The following CCDC148 variants were observed in gnomAD, a reference collection of about 807,000 sequenced individuals.
The protein encoded by CCDC148 is coiled-coil domain-containing protein 148.
CCDC148 carries 89 observed loss-of-function variants against 85.7 expected under a neutral mutation model. The ratio of observed to expected loss-of-function variants is 1.04; its 90% CI spans 0.87 to 1.24. CCDC148 has a LOEUF of 1.24. Ranked by LOEUF, CCDC148 falls within the 50% of genes most tolerant of loss-of-function variation. The probability of loss-of-function intolerance (pLI) is 0.00; values close to 1 mark genes in which losing one functional copy is unlikely to be tolerated. For missense variants in CCDC148, 692 were observed against 671.7 expected, an observed-to-expected ratio of 1.03 and a Z score of -0.33; for synonymous variants, 230 against 213.9, an observed-to-expected ratio of 1.08 and a Z score of -0.66.
chr2:158,382,813 C>T (rs1167936482), intron 1 of CCDC148, among the ~76,000 whole-genome samples: 2 of 150,216 alleles, frequency 1.3e-5, no homozygotes, highest in Non-Finnish European at 3.0e-5. Flanking sequence ...CCCAGCTACT[C>T]GGGAGGCTGA....
intron 7 of CCDC148, among the ~76,000 whole-genome samples, chr2:158,328,036 TTAAG>T (rs1191614195): frequency 6.6e-6 from 1 of 152,156 alleles, no homozygotes; most frequent in Non-Finnish European, 1.5e-5. Context: ...TTTTTTTTAT[TTAAG>T]TTTTAGGGTA....
chr2:158,315,907 C>T (rs1169726431), intron 7 of CCDC148, among the ~76,000 whole-genome samples: 2 of 152,214 alleles, frequency 1.3e-5, no homozygotes, highest in East Asian at 3.9e-4. Flanking sequence ...GCACTCTGGC[C>T]TTTCCCCATG....
chr2:158,286,841 T>C (rs1033125596), intron 9 of CCDC148, among the ~76,000 whole-genome samples: 2 of 152,064 alleles, frequency 1.3e-5, no homozygotes, highest in Non-Finnish European at 2.9e-5. Flanking sequence ...TCTAGGATTA[T>C]GGGTCTGAGT....
intron 9 of CCDC148, 138 bp from the exon 10 acceptor site, chr2:158,251,050 C>T (rs1688772843): frequency 1.4e-6 from 1 of 691,586 alleles, no homozygotes; most frequent in South Asian, 2.5e-5. Flanking sequence ...GTGCACATGA[C>T]TGTGTGATGT....
chr2:158,453,711 G>T (rs1033585121), intron 1 of CCDC148, among the ~76,000 whole-genome samples: 1 of 152,018 alleles, frequency 6.6e-6, no homozygotes, highest in African/African-American at 2.4e-5. Context: ...GGGATAATAT[G>T]AAAAAAATAA....
At chr2:158,244,278 T>C (rs1325947586) in intron 10 of CCDC148, among the ~76,000 whole-genome samples, 1 of 152,174 alleles carries the variant, frequency 6.6e-6, no homozygotes, top group Non-Finnish European at 1.5e-5. Context: ...TAAATCGTTG[T>C]TGTATAAAAA....
chr2:158,409,429 A>G (rs536997222), intron 1 of CCDC148, among the ~76,000 whole-genome samples: 25 of 152,240 alleles, frequency 1.6e-4, no homozygotes, highest in Non-Finnish European at 3.2e-4. Flanking sequence ...ATGGACTCAA[A>G]GGAGATCATT....
chr2:158,274,869 G>A (rs1419521217), intron 9 of CCDC148, among the ~76,000 whole-genome samples: 2 of 152,216 alleles, frequency 1.3e-5, no homozygotes, highest in Non-Finnish European at 2.9e-5. Context: ...AGTCTGACAG[G>A]TGGCTGGGGA....
rs576488249 is a variant in CCDC148, at chr2:158,337,976, G to C, written c.764+750C>G. ...TTACTATAAATGTGTCCCTTAAATA[G>C]TTATCTTTTTAAATATACATTCTTT... On this transcript the variant is annotated intron_variant, in intron 7 of 13. Coordinates refer to ENST00000283233, the MANE Select transcript of CCDC148 (RefSeq NM_138803.4). Among the ~76,000 whole-genome samples the C allele has an allele frequency of 9.5e-4, 144 of 152,172 alleles. 1 individual carries two copies. Among genetic ancestry groups the C allele is most frequent in the Non-Finnish European group, 1.5e-3 (104 of 67,994 alleles).
chr2:158,445,403 A>G (rs17492911), intron 1 of CCDC148, among the ~76,000 whole-genome samples: 25,408 of 152,196 alleles, frequency 0.17, 2,286 homozygotes, highest in Middle Eastern at 0.21. Context: ...TGGAGATTTC[A>G]TTGACCTTTC....
intron 7 of CCDC148, among the ~76,000 whole-genome samples, chr2:158,323,342 T>C (rs1692608899): frequency 6.6e-6 from 1 of 152,228 alleles, no homozygotes; most frequent in Admixed American, 6.5e-5. Context: ...TCTCATTAAT[T>C]GAAAAATATT....
At chr2:158,274,966 G>A (rs1362694151) in intron 9 of CCDC148, among the ~76,000 whole-genome samples, 2 of 152,198 alleles carry the variant, frequency 1.3e-5, no homozygotes, top group South Asian at 2.1e-4. Flanking sequence ...AGAGTCACAC[G>A]GATTTATATG....
At chr2:158,238,985 G>A (rs755262080) in intron 10 of CCDC148, among the ~76,000 whole-genome samples, 1 of 152,040 alleles carries the variant, frequency 6.6e-6, no homozygotes, top group Non-Finnish European at 1.5e-5. Flanking sequence ...ATGTGACTTT[G>A]GGGAAATTAC....
chr2:158,222,934 C>T (rs555118167), intron 10 of CCDC148, among the ~76,000 whole-genome samples: 16 of 152,252 alleles, frequency 1.1e-4, no homozygotes, highest in Admixed American at 4.6e-4. Flanking sequence ...ACTGAGGTAC[C>T]GGGTTCATCT....
At chr2:158,322,452 G>GT (rs541350020) in intron 7 of CCDC148, among the ~76,000 whole-genome samples, 8 of 151,762 alleles carry the variant, frequency 5.3e-5, no homozygotes, top group East Asian at 1.9e-4. Context: ...TATGTGTATA[G>GT]TTTTTTTTCA....
At chr2:158,212,300 T>G (rs1686622203) in intron 11 of CCDC148, among the ~76,000 whole-genome samples, 1 of 152,222 alleles carries the variant, frequency 6.6e-6, no homozygotes, top group South Asian at 2.1e-4. Flanking sequence ...GACAAATGTT[T>G]GTAAAAATTT....
chr2:158,383,471 T>C (rs1413737276), intron 1 of CCDC148, among the ~76,000 whole-genome samples: 1 of 152,168 alleles, frequency 6.6e-6, no homozygotes, highest in Non-Finnish European at 1.5e-5. Flanking sequence ...TGCAAAGCTA[T>C]ACATCAAAAT....
At chr2:158,313,327 G>A (rs191180707) in intron 8 of CCDC148, among the ~76,000 whole-genome samples, 129 of 152,354 alleles carry the variant, frequency 8.5e-4, no homozygotes, top group African/African-American at 3.1e-3. Flanking sequence ...CACCCCCAGG[G>A]CAAGTGCTGG....
At chr2:158,351,200 T>A (rs1683252215) in intron 2 of CCDC148, among the ~76,000 whole-genome samples, 1 of 152,140 alleles carries the variant, frequency 6.6e-6, no homozygotes, top group Non-Finnish European at 1.5e-5. Context: ...CAGCAAACAG[T>A]AAACTTCATA....
Sources: gnomAD v4.1 joint callset for allele counts (sites outside exome capture counted in the v4.1 genomes callset) on GRCh38, gnomAD v4.1.1 for gene constraint, MANE v1.5 for transcripts, NCBI Gene and HGNC (gene_info 2026-07-23, HGNC 2026-07-21) for gene names.